KCNH8: variants seen among roughly 807,000 people sequenced by gnomAD.
KCNH8 encodes the protein voltage-gated delayed rectifier potassium channel KCNH8.
KCNH8 carries 70 observed loss-of-function variants against 103.6 expected under a neutral mutation model. That is an observed-to-expected ratio of 0.68 (90% confidence interval 0.56 to 0.82). The LOEUF is 0.82. Ranked by LOEUF, KCNH8 falls within the 40% of genes least tolerant of loss-of-function variation. The probability of loss-of-function intolerance (pLI) is 0.00; values close to 1 mark genes in which losing one functional copy is unlikely to be tolerated. For missense variants in KCNH8, 1,217 were observed against 1,329.9 expected (o/e 0.92, Z 1.32); for synonymous variants, 498 against 489.4 (o/e 1.02, Z -0.23).
chr3:19,201,530 G>C lies in KCNH8; in HGVS notation c.77-52124G>C, dbSNP rs1405182989. Among the ~76,000 whole-genome samples the C allele has an allele frequency of 2.0e-5, 3 of 151,932 alleles. No individual in the cohort carries two copies. The East Asian group carries it at 5.8e-4, about 29-fold the overall frequency. On this transcript the variant is annotated intron_variant, in intron 1 of 15. Coordinates refer to ENST00000328405, the MANE Select transcript of KCNH8 (RefSeq NM_144633.3). ...GAGAAAGGATCATAGTGACAGAGTG[G>C]GGGAACTTGAACATACTTTTTTTGA...
chr3:19,220,042 C>T (rs1474031367), intron 1 of KCNH8, among the ~76,000 whole-genome samples: 1 of 152,174 alleles, frequency 6.6e-6, no homozygotes, highest in Admixed American at 6.5e-5. Context: ...CCATGGTTCT[C>T]TCGTAGCCAA....
chr3:19,503,103 A>G (rs1355816942), intron 11 of KCNH8, among the ~76,000 whole-genome samples: 4,315 of 92,190 alleles, frequency 0.047, no homozygotes, highest in African/African-American at 0.079. Flanking sequence ...CAACCCCATC[A>G]AAAAGTGGGC....
At chr3:19,203,697 T>C (rs1434182673) in intron 1 of KCNH8, among the ~76,000 whole-genome samples, 1 of 152,038 alleles carries the variant, frequency 6.6e-6, no homozygotes, top group Non-Finnish European at 1.5e-5. Context: ...GATAAGAAAC[T>C]CTTCAAAGTA....
chr3:19,241,795 A>T (rs2064145926), intron 1 of KCNH8, among the ~76,000 whole-genome samples: 1 of 152,122 alleles, frequency 6.6e-6, no homozygotes, highest in Non-Finnish European at 1.5e-5. Context: ...GAAAGTATAC[A>T]GTTGAGTGTG....
chr3:19,308,974 G>A (rs1252717385), intron 3 of KCNH8, among the ~76,000 whole-genome samples: 2 of 151,710 alleles, frequency 1.3e-5, no homozygotes, highest in Admixed American at 6.6e-5. Flanking sequence ...CAATTAGTAA[G>A]GAGAACAACA....
intron 3 of KCNH8, among the ~76,000 whole-genome samples, chr3:19,310,377 A>G (rs2065192345): frequency 6.6e-6 from 1 of 151,918 alleles, no homozygotes; most frequent in South Asian, 2.1e-4. Context: ...AAAAATATTT[A>G]CCCAATGTGG....
chr3:19,382,285 G>A (rs1458961044), intron 5 of KCNH8, among the ~76,000 whole-genome samples: 1 of 152,046 alleles, frequency 6.6e-6, no homozygotes, highest in Non-Finnish European at 1.5e-5. Flanking sequence ...ATCATGTTTT[G>A]GTGGCCGTAT....
chr3:19,253,661 C>T lies in KCNH8; in HGVS notation c.84C>T (p.Asn28=), dbSNP rs2064308308. ...CTCCTTGTTTTTCTATAGATAGCAA[C>T]TTCATCCTTGCCAATGCCCAGGTGG... ...IATRFDGTHS[N]FILANAQVAK... Residue 28 remains asparagine, a synonymous_variant, in exon 2 of 16, where the codon AAC becomes AAT. Coordinates refer to ENST00000328405, the MANE Select transcript of KCNH8 (RefSeq NM_144633.3). The T allele has an allele frequency of 1.9e-6, 3 of 1,612,160 alleles. No individual in the cohort carries two copies. The highest frequency in any genetic ancestry group is 1.3e-5 in the African/African-American group (1 of 74,718).
chr3:19,282,317 A>G (rs1217887834), intron 3 of KCNH8, among the ~76,000 whole-genome samples: 1 of 152,136 alleles, frequency 6.6e-6, no homozygotes, highest in Non-Finnish European at 1.5e-5. Flanking sequence ...TTACATATGC[A>G]AGGGAAGAGC....
chr3:19,423,685 A>G (rs543929852), intron 7 of KCNH8, among the ~76,000 whole-genome samples: 2 of 151,670 alleles, frequency 1.3e-5, no homozygotes, highest in African/African-American at 4.8e-5. Context: ...CGCATTGGTT[A>G]ATGGGCATTT....
chr3:19,157,137 G>A (rs944179234), intron 1 of KCNH8, among the ~76,000 whole-genome samples: 1 of 151,762 alleles, frequency 6.6e-6, no homozygotes, highest in Non-Finnish European at 1.5e-5. Context: ...TGATTTTCTG[G>A]AAAAAAGGAT....
At chr3:19,286,980 A>G (rs2064840765) in intron 3 of KCNH8, among the ~76,000 whole-genome samples, 1 of 152,058 alleles carries the variant, frequency 6.6e-6, no homozygotes, top group Non-Finnish European at 1.5e-5. Context: ...TGAATTCAGT[A>G]TTGGGTCTAC....
At position 19,293,124 on chromosome 3, in the gene KCNH8, G is replaced by A. The variant is rs1016254230; in HGVS notation, c.442+11795G>A. 5.3e-5 allele frequency among the ~76,000 whole-genome samples: 8 copies of A among 152,228 alleles called. No individual in the cohort carries two copies. The South Asian group carries it at 8.3e-4, about 16-fold the overall frequency. On this transcript the variant is annotated intron_variant, in intron 3 of 15. Transcript: ENST00000328405. ...CTATATGCCAGACATATTATCCCAG[G>A]ATCCTACAATGTAGAAGAATGAGAC...
intron 5 of KCNH8, among the ~76,000 whole-genome samples, chr3:19,367,390 C>A (rs200884503): frequency 0.031 from 4,461 of 143,648 alleles, 100 homozygotes; most frequent in East Asian, 0.083. Flanking sequence ...CTCTCTCTCT[C>A]TCTCTATATA....
At chr3:19,248,689 CTG>C (rs1357523482) in intron 1 of KCNH8, among the ~76,000 whole-genome samples, 1 of 152,176 alleles carries the variant, frequency 6.6e-6, no homozygotes, top group African/African-American at 2.4e-5. Flanking sequence ...TTCTCTAGGT[CTG>C]TGTTCTCTGA....
At chr3:19,203,351 A>G (rs1335965348) in intron 1 of KCNH8, among the ~76,000 whole-genome samples, 2 of 152,068 alleles carry the variant, frequency 1.3e-5, no homozygotes, top group Non-Finnish European at 2.9e-5. Flanking sequence ...TTGTTATAGA[A>G]TATTTGTCAA....
chr3:19,502,188 T>C (rs2068599380), intron 11 of KCNH8, among the ~76,000 whole-genome samples: 1 of 150,336 alleles, frequency 6.7e-6, no homozygotes, highest in Admixed American at 6.7e-5. Context: ...TCAAAGAGAA[T>C]AAAATACCTA....
At chr3:19,507,738 G>C (rs1575157161) in intron 11 of KCNH8, among the ~76,000 whole-genome samples, 1 of 152,120 alleles carries the variant, frequency 6.6e-6, no homozygotes. Context: ...TTTTTCCACA[G>C]GGCAGCTGCA....
chr3:19,338,000 G>T (rs959805387), intron 3 of KCNH8, among the ~76,000 whole-genome samples: 3 of 35,672 alleles, frequency 8.4e-5, no homozygotes, highest in African/African-American at 4.1e-4. Flanking sequence ...AGAGAGAGGC[G>T]GGGGGGGGAG....
Sources: allele counts gnomAD v4.1 joint callset (sites outside exome capture counted in the v4.1 genomes callset), GRCh38; gene constraint gnomAD v4.1.1; transcripts MANE v1.5; gene names NCBI Gene and HGNC (gene_info 2026-07-23, HGNC 2026-07-21).